UGGT1: variants seen among roughly 807,000 people sequenced by gnomAD.
The protein encoded by UGGT1 is UDP-glucose:glycoprotein glucosyltransferase 1.
A neutral mutation model predicts 203.9 loss-of-function variants in UGGT1; 107 were observed. The observed-to-expected ratio is 0.52, with a 90% CI of 0.45 to 0.62. UGGT1 has a LOEUF of 0.62. Among genes scored for constraint, UGGT1 ranks in the 20% least tolerant of loss-of-function variants. The probability of loss-of-function intolerance (pLI) is 0.00; values close to 1 mark genes in which losing one functional copy is unlikely to be tolerated. For synonymous variants in UGGT1, 628 were observed against 653.5 expected, an observed-to-expected ratio of 0.96 and a Z score of 0.59; for missense variants, 1,673 against 1,867.2, an observed-to-expected ratio of 0.90 and a Z score of 1.92.
At chr2:128,116,375 C>T (rs769386323) in intron 8 of UGGT1, 32 bp downstream of exon 8, 1 of 1,418,116 alleles carries the variant, frequency 7.1e-7, no homozygotes, top group Admixed American at 1.7e-5. Flanking sequence ...TGGGAAACGC[C>T]CTCATTTTCT....
chr2:128,091,464 G>T, intron 1 of UGGT1, 49 bp downstream of exon 1: 1 of 1,552,542 alleles, frequency 6.4e-7, no homozygotes, highest in East Asian at 2.4e-5. Flanking sequence ...AGAGGGTTTG[G>T]GGCACAAGGC....
chr2:128,121,403 TTC>T (rs1688374209), intron 10 of UGGT1, 105 bp downstream of exon 10: 3 of 652,024 alleles, frequency 4.6e-6, no homozygotes, highest in Non-Finnish European at 4.5e-6. Flanking sequence ...AAAATTAAGA[TTC>T]TTTTTTTTTT....
intron 13 of UGGT1, among the ~76,000 whole-genome samples, chr2:128,132,599 G>A (rs192880216): frequency 6.6e-6 from 1 of 152,240 alleles, no homozygotes; most frequent in East Asian, 1.9e-4. Context: ...TTATTTTTAT[G>A]TCTTCTTCAT....
At chr2:128,162,842 G>A (rs531463135) in intron 25 of UGGT1, among the ~76,000 whole-genome samples, 11 of 152,168 alleles carry the variant, frequency 7.2e-5, no homozygotes, top group Admixed American at 2.0e-4. Flanking sequence ...TTGCCAATGA[G>A]AGATGGCTCT....
At chr2:128,092,605 C>CTTTTTTTT (rs55814829) in intron 1 of UGGT1, among the ~76,000 whole-genome samples, 8 of 126,686 alleles carry the variant, frequency 6.3e-5, no homozygotes, top group African/African-American at 1.2e-4. Context: ...TTCTTTCTTT[C>CTTTTTTTT]TTTTTTTTTT....
In UGGT1 at chr2:128,159,617, C is replaced by G; in HGVS notation, c.2459C>G (p.Thr820Ser). 6.2e-7 allele frequency: 1 copy of G among 1,614,192 alleles called. No individual in the cohort carries two copies. The highest frequency in any genetic ancestry group is 8.5e-7 in the Non-Finnish European group (1 of 1,180,022). The change falls in exon 23 of 41, where the codon ACT (threonine) becomes AGT (serine). Residue 820 changes from threonine (T) to serine (S), a missense_variant. Thr to Ser is a moderately conservative substitution (Grantham distance 58). Transcript: ENST00000259253. ...ISRAIWAALQTQTSNAAKNFI... is the reference protein window; with the variant it reads ...ISRAIWAALQSQTSNAAKNFI... ...AGAGCAATCTGGGCAGCTCTCCAAA[C>G]TCAGACTTCCAACGCTGCTAAGAAC...
rs1692459734 is a variant in UGGT1, at chr2:128,195,199, A to T, written c.*5457A>T. ...AGGTCCTCTCCTGAGTCTTTCCCAG[A>T]TACCCAGCAGTGCAGAGGCTAGCTG... On this transcript the variant is annotated 3_prime_UTR_variant, in exon 41 of 41. Transcript: ENST00000259253. 6.6e-6 allele frequency: 1 copy of T among 152,276 alleles called. No individual in the cohort carries two copies. The highest frequency in any genetic ancestry group is 2.4e-5 in the African/African-American group (1 of 41,462). 9.4% of individuals were successfully genotyped at this position (152,276 alleles called of 1,614,324 possible).
At chr2:128,107,452 G>C (rs902610825) in intron 3 of UGGT1, among the ~76,000 whole-genome samples, 1 of 152,166 alleles carries the variant, frequency 6.6e-6, no homozygotes, top group African/African-American at 2.4e-5. Context: ...ATGGATATAA[G>C]GATAAATAGG....
At chr2:128,149,492 A>C (rs1010963242) in intron 18 of UGGT1, among the ~76,000 whole-genome samples, 96 of 151,324 alleles carry the variant, frequency 6.3e-4, no homozygotes, top group African/African-American at 2.0e-3. Context: ...AAAACACACA[A>C]AAAAAATTAG....
chr2:128,178,335 C>T, intron 33 of UGGT1, 133 bp from the exon 34 acceptor site: 3 of 762,218 alleles, frequency 3.9e-6, no homozygotes, highest in Admixed American at 5.5e-5. Context: ...GTGAGGGAAG[C>T]TTCATAACCA....
At chr2:128,163,136 C>A (rs902163515) in intron 25 of UGGT1, among the ~76,000 whole-genome samples, 1 of 152,126 alleles carries the variant, frequency 6.6e-6, no homozygotes, top group Non-Finnish European at 1.5e-5. Context: ...CTCCAGTCCA[C>A]GTAACCAAGT....
Position 128,134,900 on chromosome 2 carries a change from G to A in UGGT1, c.1522G>A (p.Glu508Lys). 1.9e-6 allele frequency: 3 copies of A among 1,613,854 alleles called. No homozygotes were observed. Among genetic ancestry groups the A allele is most frequent in the Non-Finnish European group, 2.5e-6 (3 of 1,179,950 alleles). Residue 508 changes from glutamate to lysine, a missense_variant, in exon 15 of 41, where the codon GAG (glutamate) becomes AAG (lysine). Physicochemically the swap from Glu to Lys is moderately conservative, Grantham distance 56. Transcript: ENST00000259253. The stretch of plus-strand genomic sequence containing the variant: ...GGTTTTCATAGTTGATCCTGCACAT[G>A]AGACCACAGCAGAGTTGATGAACAC... ...NMVFIVDPAHETTAELMNTAE... is the reference protein window; with the variant it reads ...NMVFIVDPAHKTTAELMNTAE...
At chr2:128,095,015 C>G (rs889099931) in intron 1 of UGGT1, among the ~76,000 whole-genome samples, 19 of 152,070 alleles carry the variant, frequency 1.2e-4, no homozygotes, top group Non-Finnish European at 2.8e-4. Flanking sequence ...TCCTAAAGTG[C>G]TGGGATTACA....
intron 3 of UGGT1, among the ~76,000 whole-genome samples, chr2:128,104,804 G>A (rs527734145): frequency 1.3e-5 from 2 of 151,988 alleles, no homozygotes; most frequent in South Asian, 4.2e-4. Context: ...TCGCCACTAC[G>A]CCTGGCTAAT....
chr2:128,132,509 C>T (rs1253148897), intron 13 of UGGT1, among the ~76,000 whole-genome samples: 1 of 152,232 alleles, frequency 6.6e-6, no homozygotes, highest in African/African-American at 2.4e-5. Flanking sequence ...GATTGCTCCA[C>T]TGCACTTCAG....
In UGGT1 at chr2:128,109,256, T is replaced by C. The variant is rs148030100; in HGVS notation, c.409-378T>C. Among the ~76,000 whole-genome samples the C allele has an allele frequency of 5.9e-5, 9 of 152,234 alleles. No homozygotes were observed. In the East Asian group the frequency reaches 1.7e-3, roughly 29 times the overall value. ...TCTTGTTCTGTTGCCCAGGCTGGAG[T>C]GTAGTTCTGTGATTACGGATCACTG... On this transcript the variant is annotated intron_variant, in intron 4 of 40. Transcript: ENST00000259253.
At chr2:128,142,096 C>T (rs1689457584) in intron 16 of UGGT1, among the ~76,000 whole-genome samples, 1 of 151,774 alleles carries the variant, frequency 6.6e-6, no homozygotes, top group Non-Finnish European at 1.5e-5. Context: ...TGTGCACTAC[C>T]ACGGCAGGCT....
chr2:128,144,338 T>A (rs951184707), intron 17 of UGGT1, among the ~76,000 whole-genome samples: 4 of 152,254 alleles, frequency 2.6e-5, no homozygotes, highest in African/African-American at 9.6e-5. Flanking sequence ...TGCATTCTGT[T>A]ATTTGGTCTT....
chr2:128,121,969 A>G (rs1688402290), intron 10 of UGGT1, among the ~76,000 whole-genome samples: 1 of 152,174 alleles, frequency 6.6e-6, no homozygotes, highest in South Asian at 2.1e-4. Flanking sequence ...CCCAGACCAT[A>G]GTGGTTTTCT....
Sources: allele counts gnomAD v4.1 joint callset (sites outside exome capture counted in the v4.1 genomes callset), GRCh38; gene constraint gnomAD v4.1.1; transcripts MANE v1.5; gene names NCBI Gene and HGNC (gene_info 2026-07-23, HGNC 2026-07-21).